KCNK3: variants seen among roughly 807,000 people sequenced by gnomAD.
KCNK3 encodes the protein potassium two pore domain channel subfamily K member 3.
KCNK3 carries 9 observed loss-of-function variants against 27.3 expected under a neutral mutation model. The observed-to-expected ratio is 0.33, with a 90% CI of 0.20 to 0.57. The LOEUF (loss-of-function observed/expected upper bound fraction) is 0.57. KCNK3 is among the 20% of genes least tolerant of loss of function. KCNK3 has a pLI of 0.87. For missense variants in KCNK3, 391 were observed against 577.7 expected, an observed-to-expected ratio of 0.68 and a Z score of 3.31; for synonymous variants, 278 against 273.8, an observed-to-expected ratio of 1.02 and a Z score of -0.15.
chr2:26,711,114 C>T (rs1663102996), intron 1 of KCNK3, among the ~76,000 whole-genome samples: 1 of 152,166 alleles, frequency 6.6e-6, no homozygotes, highest in African/African-American at 2.4e-5. Flanking sequence ...CAGAGTCCAG[C>T]CTGTGGCAAG....
chr2:26,717,773 G>T (rs570954847), intron 1 of KCNK3, among the ~76,000 whole-genome samples: 1 of 152,260 alleles, frequency 6.6e-6, no homozygotes, highest in South Asian at 2.1e-4. Flanking sequence ...CTGGCTGGTG[G>T]TGTGGCATTG....
chr2:26,699,609 C>T (rs879325809), intron 1 of KCNK3, among the ~76,000 whole-genome samples: 12 of 152,220 alleles, frequency 7.9e-5, no homozygotes, highest in Non-Finnish European at 1.5e-4. Flanking sequence ...TGCAGTCAGC[C>T]AGCAGCAAGT....
chr2:26,706,722 A>G (rs369163840), intron 1 of KCNK3, among the ~76,000 whole-genome samples: 57 of 152,190 alleles, frequency 3.7e-4, no homozygotes, highest in African/African-American at 1.3e-3. Flanking sequence ...GGCTCCAAAG[A>G]GGCCCTGCTG....
rs184198396 is a variant in KCNK3 at position 26,705,556 on chromosome 2, G to T, written c.283+12398G>T. 4.5e-4 allele frequency among the ~76,000 whole-genome samples: 69 copies of T among 152,172 alleles called. No homozygotes were observed. The East Asian group carries it at 0.013, about 28-fold the overall frequency. On this transcript the variant is annotated intron_variant, in intron 1 of 1. Coordinates refer to ENST00000302909, the MANE Select transcript of KCNK3 (RefSeq NM_002246.3). ...CAACCTTAACACCTAGCTTCTCCCC[G>T]ACCCACCCCAACCACAAGTGCCCTT... is the stretch of plus-strand genomic sequence containing the variant.
At position 26,732,211 on chromosome 2, in the gene KCNK3, G is replaced by C. The variant is rs1329082252; in HGVS notation, c.*3643G>C. 3 of 152,038 alleles carry C rather than the reference G, an allele frequency of 2.0e-5. No homozygotes were observed. Among genetic ancestry groups the C allele is most frequent in the African/African-American group, 7.2e-5 (3 of 41,392 alleles). 9.4% of individuals were successfully genotyped at this position (152,038 alleles called of 1,614,324 possible). A position where few individuals can be genotyped will look rare whatever the true frequency, so the allele number is the denominator to read the frequency against. On this transcript the variant is annotated 3_prime_UTR_variant, in exon 2 of 2. Transcript: ENST00000302909. ...TCATAGAGTACAATCCACAGTAATA[G>C]CACACAGCTCTGTACCTATCTAGCT...
At position 26,732,923 on chromosome 2, in the gene KCNK3, C is replaced by T. The variant is rs575566065; in HGVS notation, c.*4355C>T. 1 of 152,350 alleles carries T rather than the reference C, an allele frequency of 6.6e-6. No individual in the cohort carries two copies. Among genetic ancestry groups the T allele is most frequent in the African/African-American group, 2.4e-5 (1 of 41,566 alleles). 9.4% of individuals were successfully genotyped at this position (152,350 alleles called of 1,614,324 possible). Reference sequence around the variant, plus strand: ...GTCCCCTAAGGGGCTGCATTTATCCCCATCTCCCTAGGGGTGATCAGCATT... The same window carrying T: ...GTCCCCTAAGGGGCTGCATTTATCCTCATCTCCCTAGGGGTGATCAGCATT... On this transcript the variant is annotated 3_prime_UTR_variant, in exon 2 of 2. Transcript: ENST00000302909.
chr2:26,706,364 C>T lies in KCNK3; in HGVS notation c.283+13206C>T, dbSNP rs553415986. On this transcript the variant is annotated intron_variant, in intron 1 of 1. Transcript: ENST00000302909. ...GTCCTGGGGACAGGTCTGTCTTTCG[C>T]TTCATGGCTTTAGCTCTCACTGCCT... 1.2e-3 allele frequency among the ~76,000 whole-genome samples: 190 copies of T among 152,250 alleles called. 1 individual carries two copies. Among genetic ancestry groups the T allele is most frequent in the Non-Finnish European group, 2.2e-3 (147 of 68,008 alleles).
chr2:26,702,937 G>GA (rs1346223289), intron 1 of KCNK3, among the ~76,000 whole-genome samples: 1 of 152,114 alleles, frequency 6.6e-6, no homozygotes, highest in African/African-American at 2.4e-5. Context: ...CCAACATGGT[G>GA]AAACCCTGTT....
At position 26,721,158 on chromosome 2, in the gene KCNK3, C is replaced by G. The variant is rs1663321734; in HGVS notation, c.284-6509C>G. ...GAGCCTCTGGGTTCTGCAGCCCTCC[C>G]ACCCCAGGCCTGTGCTGGACACTGA... On this transcript the variant is annotated intron_variant, in intron 1 of 1. Coordinates refer to ENST00000302909, the MANE Select transcript of KCNK3 (RefSeq NM_002246.3). The surrounding 1 kb of genome is among the most constrained non-coding windows in gnomAD (Gnocchi z 4.3). Among the ~76,000 whole-genome samples the G allele has an allele frequency of 6.6e-6, 1 of 152,144 alleles. No individual in the cohort carries two copies. Among genetic ancestry groups the G allele is most frequent in the Non-Finnish European group, 1.5e-5 (1 of 68,018 alleles).
At chr2:26,695,207 G>A (rs1443292037) in intron 1 of KCNK3, among the ~76,000 whole-genome samples, 2 of 152,008 alleles carry the variant, frequency 1.3e-5, no homozygotes, top group Non-Finnish European at 2.9e-5. Context: ...CTTTTTCTCT[G>A]CCCTTTTTCT....
At chr2:26,696,366 A>C (rs901058293) in intron 1 of KCNK3, among the ~76,000 whole-genome samples, 1 of 152,134 alleles carries the variant, frequency 6.6e-6, no homozygotes, top group Non-Finnish European at 1.5e-5. Flanking sequence ...TTCTGACTCC[A>C]AGCCCAGTGC....
chr2:26,714,972 C>T (rs999018548), intron 1 of KCNK3, among the ~76,000 whole-genome samples: 1 of 152,226 alleles, frequency 6.6e-6, no homozygotes, highest in Non-Finnish European at 1.5e-5. Context: ...CCCTGGGCCC[C>T]AGCCCAGAGA....
intron 1 of KCNK3, among the ~76,000 whole-genome samples, chr2:26,711,245 C>T (rs1168405009): frequency 6.6e-6 from 1 of 152,250 alleles, no homozygotes; most frequent in Non-Finnish European, 1.5e-5. Flanking sequence ...CTCCTCATTT[C>T]TCAGTGGGAT....
chr2:26,705,468 T>G (rs1670360802), intron 1 of KCNK3, among the ~76,000 whole-genome samples: 1 of 152,126 alleles, frequency 6.6e-6, no homozygotes, highest in Admixed American at 6.6e-5. Context: ...ACTTGAGAGA[T>G]AAGGTCACTT....
intron 1 of KCNK3, among the ~76,000 whole-genome samples, chr2:26,696,027 C>T (rs970574656): frequency 1.3e-5 from 2 of 152,176 alleles, no homozygotes; most frequent in African/African-American, 2.4e-5. Flanking sequence ...TAGAAAGGGG[C>T]CTTAGTTAGG....
At chr2:26,697,774 C>T (rs1367661596) in intron 1 of KCNK3, among the ~76,000 whole-genome samples, 6 of 152,124 alleles carry the variant, frequency 3.9e-5, no homozygotes, top group Non-Finnish European at 7.4e-5. Flanking sequence ...CCTTCTGTTC[C>T]GCTCTTTCCC....
chr2:26,704,464 A>C (rs1290890146), intron 1 of KCNK3, among the ~76,000 whole-genome samples: 1 of 152,152 alleles, frequency 6.6e-6, no homozygotes, highest in African/African-American at 2.4e-5. Flanking sequence ...AGTGTCCCTC[A>C]TCAGGAATGC....
Position 26,693,221 on chromosome 2 carries a change from CG to C in KCNK3, c.283+67del. 3.3e-6 allele frequency: 1 copy of C among 306,988 alleles called. No homozygotes were observed. 19.0% of individuals were successfully genotyped at this position (306,988 alleles called of 1,614,324 possible). A position where few individuals can be genotyped will look rare whatever the true frequency, so the allele number is the denominator to read the frequency against. On this transcript the variant is annotated intron_variant, in intron 1 of 1. Transcript: ENST00000302909. The surrounding 1 kb of genome is among the most constrained non-coding windows in gnomAD (Gnocchi z 5.5). ...TGGGCGCGGGGCTCCGGGAGTCGTCCGGGGCCGGCTGGGGCTGGGGGCGGGG... is the reference window on the plus strand; with the variant it reads ...TGGGCGCGGGGCTCCGGGAGTCGTCCGGGCCGGCTGGGGCTGGGGGCGGGG...
chr2:26,713,545 C>T (rs555928905), intron 1 of KCNK3, among the ~76,000 whole-genome samples: 86 of 152,152 alleles, frequency 5.7e-4, no homozygotes, highest in African/African-American at 2.0e-3. Flanking sequence ...TTTGGGAAGC[C>T]GAGGCGGGCG....
Sources: allele counts gnomAD v4.1 joint callset (sites outside exome capture counted in the v4.1 genomes callset), GRCh38; gene constraint gnomAD v4.1.1; non-coding constraint Gnocchi (gnomAD v3.1); transcripts MANE v1.5; gene names NCBI Gene and HGNC (gene_info 2026-07-23, HGNC 2026-07-21).